Variants in PDE4D observed in about 807,000 individuals in gnomAD.
PDE4D encodes 3',5'-cyclic-AMP phosphodiesterase 4D.
Under a neutral mutation model 87.4 loss-of-function variants are expected in PDE4D, and 24 were observed. The observed-to-expected ratio is 0.27, with a 90% CI of 0.20 to 0.39. The LOEUF is 0.39. Among genes scored for constraint, PDE4D ranks in the 10% least tolerant of loss-of-function variants. The pLI is 1.00. For synonymous variants in PDE4D, 384 were observed against 383.2 expected (o/e 1.00, Z -0.02); for missense variants, 714 against 1,041.0 (o/e 0.69, Z 4.32).
At chr5:60,227,689 A>G (rs1745290662) in intron 1 of PDE4D, among the ~76,000 whole-genome samples, 1 of 151,664 alleles carries the variant, frequency 6.6e-6, no homozygotes. Context: ...TTTTGTAAAA[A>G]CCTCCTAATT....
chr5:59,331,889 G>A (rs866406850), intron 1 of PDE4D, among the ~76,000 whole-genome samples: 1 of 152,118 alleles, frequency 6.6e-6, no homozygotes, highest in African/African-American at 2.4e-5. Context: ...TCAAATGCTA[G>A]CTTACTTTAG....
At chr5:59,937,579 C>T (rs917052580) in intron 3 of PDE4D, among the ~76,000 whole-genome samples, 1 of 152,186 alleles carries the variant, frequency 6.6e-6, no homozygotes, top group African/African-American at 2.4e-5. Context: ...AGGACTTTCC[C>T]TGGTGCAGGC....
intron 11 of PDE4D, among the ~76,000 whole-genome samples, chr5:58,983,280 T>A (rs1412688368): frequency 6.6e-6 from 1 of 152,204 alleles, no homozygotes; most frequent in Non-Finnish European, 1.5e-5. Context: ...TGCGACCACA[T>A]GTGTAGGCTG....
intron 9 of PDE4D, 50 bp from the exon 10 acceptor site, chr5:58,989,969 T>C (rs1433915923): frequency 3.4e-6 from 4 of 1,189,930 alleles, no homozygotes; most frequent in Non-Finnish European, 4.7e-6. Context: ...GTGAAAAATT[T>C]CTCCATAGAG....
At chr5:59,991,466 A>G (rs1291395962) in intron 2 of PDE4D, among the ~76,000 whole-genome samples, 1 of 152,104 alleles carries the variant, frequency 6.6e-6, no homozygotes, top group African/African-American at 2.4e-5. Flanking sequence ...CTTTTCCATC[A>G]TCTCCTTGCA....
intron 1 of PDE4D, among the ~76,000 whole-genome samples, chr5:60,198,078 T>A (rs1741478901): frequency 6.6e-6 from 1 of 151,370 alleles, no homozygotes; most frequent in South Asian, 2.1e-4. Context: ...TTTACTGTTT[T>A]ACCAATTTAT....
intron 5 of PDE4D, among the ~76,000 whole-genome samples, chr5:59,170,803 T>C (rs1441092313): frequency 6.6e-6 from 1 of 152,156 alleles, no homozygotes; most frequent in Admixed American, 6.5e-5. Flanking sequence ...AATTCACACA[T>C]TATTTAGAAT....
At chr5:60,216,896 T>G (rs1274027601) in intron 1 of PDE4D, among the ~76,000 whole-genome samples, 2 of 151,790 alleles carry the variant, frequency 1.3e-5, no homozygotes, top group African/African-American at 4.8e-5. Flanking sequence ...AGACAGAAAA[T>G]CAAGTAAGAA....
chr5:59,293,885 G>T (rs1768532512), intron 1 of PDE4D, among the ~76,000 whole-genome samples: 1 of 152,118 alleles, frequency 6.6e-6, no homozygotes, highest in African/African-American at 2.4e-5. Context: ...AGGACTGTGA[G>T]TCATCTCTTC....
intron 1 of PDE4D, among the ~76,000 whole-genome samples, chr5:59,420,689 G>GAAAAAAAA (rs55960957): frequency 1.6e-5 from 2 of 122,006 alleles, no homozygotes; most frequent in Admixed American, 8.3e-5. Context: ...TACTGCACAA[G>GAAAAAAAA]AAAAAAAAAA....
At chr5:60,004,856 A>G (rs1274092626) in intron 2 of PDE4D, among the ~76,000 whole-genome samples, 1 of 152,184 alleles carries the variant, frequency 6.6e-6, no homozygotes, top group Non-Finnish European at 1.5e-5. Flanking sequence ...CTGCGGTGAA[A>G]ACGTAAATTG....
At chr5:60,270,459 T>C (rs924431856) in intron 1 of PDE4D, among the ~76,000 whole-genome samples, 1 of 152,266 alleles carries the variant, frequency 6.6e-6, no homozygotes, top group African/African-American at 2.4e-5. Context: ...TAATTATGAC[T>C]ATATACCTAG....
At chr5:59,031,365 ATATATATATATATATATATATATATAT>A (rs1464358185) in intron 6 of PDE4D, among the ~76,000 whole-genome samples, 5 of 32,224 alleles carry the variant, frequency 1.6e-4, no homozygotes, top group East Asian at 1.8e-3. Flanking sequence ...AAAATGTGAT[ATATATATATATATATATATATATATAT>A]TATATATATA....
At chr5:59,692,892 C>A (rs112018266) in intron 1 of PDE4D, among the ~76,000 whole-genome samples, 1 of 152,026 alleles carries the variant, frequency 6.6e-6, no homozygotes, top group Non-Finnish European at 1.5e-5. Flanking sequence ...TAACCATTTA[C>A]ATAATTATAA....
chr5:59,075,264 C>T (rs866563924), intron 5 of PDE4D, among the ~76,000 whole-genome samples: 1 of 152,060 alleles, frequency 6.6e-6, no homozygotes, highest in Non-Finnish European at 1.5e-5. Context: ...CTCATTTTGG[C>T]TTAGATTACA....
At chr5:59,647,319 G>A (rs1233583979) in intron 1 of PDE4D, among the ~76,000 whole-genome samples, 1 of 151,888 alleles carries the variant, frequency 6.6e-6, no homozygotes, top group Non-Finnish European at 1.5e-5. Context: ...CAGATAATAA[G>A]GATAAGATTA....
intron 2 of PDE4D, among the ~76,000 whole-genome samples, chr5:60,065,586 G>T (rs374578788): frequency 6.6e-6 from 1 of 151,254 alleles, no homozygotes; most frequent in Non-Finnish European, 1.5e-5. Flanking sequence ...ATCCCTCCCC[G>T]CTCCCCCGAC....
chr5:59,067,887 A>G (rs1006280003), intron 5 of PDE4D, among the ~76,000 whole-genome samples: 7 of 152,224 alleles, frequency 4.6e-5, no homozygotes, highest in African/African-American at 1.4e-4. Flanking sequence ...CTTTTTAGTT[A>G]TCAAATAAAC....
At chr5:60,281,752 GC>G (rs1751926561) in intron 1 of PDE4D, among the ~76,000 whole-genome samples, 1 of 152,076 alleles carries the variant, frequency 6.6e-6, no homozygotes, top group African/African-American at 2.4e-5. Context: ...AAAAGAAGGG[GC>G]CGAGCATGGT....
Sources: allele counts gnomAD v4.1 joint callset (sites outside exome capture counted in the v4.1 genomes callset), GRCh38; gene constraint gnomAD v4.1.1; transcripts MANE v1.5; gene names NCBI Gene and HGNC (gene_info 2026-07-23, HGNC 2026-07-21).